ARHGAP42: variants seen among roughly 807,000 people sequenced by gnomAD.
The protein encoded by ARHGAP42 is Rho GTPase activating protein 42.
Under a neutral mutation model 125.0 loss-of-function variants are expected in ARHGAP42, and 63 were observed. The observed-to-expected ratio is 0.50, with a 90% CI of 0.41 to 0.62. The LOEUF (loss-of-function observed/expected upper bound fraction) is 0.62, where lower values mean the gene tolerates loss of function less well. Among genes scored for constraint, ARHGAP42 ranks in the 20% least tolerant of loss-of-function variants. The pLI is 0.00. For synonymous variants in ARHGAP42, 339 were observed against 351.0 expected, an observed-to-expected ratio of 0.97 and a Z score of 0.38; for missense variants, 766 against 1,024.2, an observed-to-expected ratio of 0.75 and a Z score of 3.44.
At chr11:100,887,367 A>G (rs1361384898) in intron 4 of ARHGAP42, among the ~76,000 whole-genome samples, 1 of 152,088 alleles carries the variant, frequency 6.6e-6, no homozygotes, top group African/African-American at 2.4e-5. Flanking sequence ...GTTCATGTAC[A>G]ACTAACCAAT....
intron 12 of ARHGAP42, among the ~76,000 whole-genome samples, chr11:100,950,486 A>G (rs1392428742): frequency 6.6e-6 from 1 of 151,696 alleles, no homozygotes; most frequent in Non-Finnish European, 1.5e-5. Flanking sequence ...TTTAGTGGAT[A>G]GTGGCTAAGA....
chr11:100,740,846 AT>A lies in ARHGAP42; in HGVS notation c.155-29496del, dbSNP rs540761662. ...TTACTTACTGGATTATTTAAAAAAA[AT>A]ATGTCTATCAAGAGAAGAATAAAGA... On this transcript the variant is annotated intron_variant, in intron 1 of 23. Coordinates refer to ENST00000298815, the MANE Select transcript of ARHGAP42 (RefSeq NM_152432.4). Among the ~76,000 whole-genome samples the A allele has an allele frequency of 6.0e-4, 92 of 152,238 alleles. 1 individual carries two copies. In the South Asian group the frequency reaches 0.012, roughly 19 times the overall value.
At chr11:100,759,540 G>C (rs1862655450) in intron 1 of ARHGAP42, among the ~76,000 whole-genome samples, 2 of 152,154 alleles carry the variant, frequency 1.3e-5, no homozygotes, top group Admixed American at 1.3e-4. Context: ...TGTTCAGGGA[G>C]AGTTATAAGA....
At chr11:100,962,939 G>A (rs1373521582) in intron 16 of ARHGAP42, among the ~76,000 whole-genome samples, 1 of 152,120 alleles carries the variant, frequency 6.6e-6, no homozygotes, top group African/African-American at 2.4e-5. Context: ...TGTTTTAGAA[G>A]CCAATAAGAA....
At chr11:100,701,776 A>C (rs1861401597) in intron 1 of ARHGAP42, among the ~76,000 whole-genome samples, 1 of 152,204 alleles carries the variant, frequency 6.6e-6, no homozygotes, top group Non-Finnish European at 1.5e-5. Flanking sequence ...GCATATCAGC[A>C]ATAAGGCTGT....
At chr11:100,973,678 C>T (rs150522073) in intron 18 of ARHGAP42, among the ~76,000 whole-genome samples, 1 of 152,094 alleles carries the variant, frequency 6.6e-6, no homozygotes, top group African/African-American at 2.4e-5. Context: ...AGGTAATGTT[C>T]TAACTAAACA....
chr11:100,727,090 A>G (rs754048555), intron 1 of ARHGAP42, among the ~76,000 whole-genome samples: 2 of 152,230 alleles, frequency 1.3e-5, no homozygotes, highest in Non-Finnish European at 2.9e-5. Context: ...GCCATAGATG[A>G]AAGAAATGAA....
intron 1 of ARHGAP42, among the ~76,000 whole-genome samples, chr11:100,751,266 AGTGT>A (rs60164599): frequency 3.1e-5 from 4 of 128,198 alleles, no homozygotes; most frequent in Non-Finnish European, 6.3e-5. Context: ...TTATATATAT[AGTGT>A]GTGTGTGTGT....
At chr11:100,752,819 G>T (rs745548345) in intron 1 of ARHGAP42, among the ~76,000 whole-genome samples, 1 of 152,212 alleles carries the variant, frequency 6.6e-6, no homozygotes. Flanking sequence ...GGGTGGTGCA[G>T]GCTATAGTGA....
At chr11:100,956,524 CAT>C (rs1857809459) in intron 12 of ARHGAP42, among the ~76,000 whole-genome samples, 3 of 152,130 alleles carry the variant, frequency 2.0e-5, no homozygotes, top group Non-Finnish European at 4.4e-5. Flanking sequence ...GGTAAAGACA[CAT>C]GTCACTTCTG....
At chr11:100,840,949 C>G (rs561631905) in intron 3 of ARHGAP42, among the ~76,000 whole-genome samples, 1 of 152,220 alleles carries the variant, frequency 6.6e-6, no homozygotes, top group Admixed American at 6.5e-5. Context: ...TCTCCTTACT[C>G]CTAGAAAGGA....
At chr11:100,825,447 G>A (rs1259526830) in intron 3 of ARHGAP42, among the ~76,000 whole-genome samples, 3 of 152,124 alleles carry the variant, frequency 2.0e-5, no homozygotes, top group Non-Finnish European at 4.4e-5. Flanking sequence ...TAAATAAAGT[G>A]TTTTGTTTAT....
chr11:100,910,624 T>C (rs1866885414), intron 4 of ARHGAP42, among the ~76,000 whole-genome samples: 1 of 132,458 alleles, frequency 7.5e-6, no homozygotes, highest in Non-Finnish European at 1.8e-5. Context: ...AAGAGGTAGC[T>C]ATATGGGGTT....
rs1367274146 is a variant in ARHGAP42 at position 100,992,636 on chromosome 11, C to T, written c.*3835C>T. ...ATCCCTCATTGTCACCGTTATCCCCCTGCTTCAAAATGTGCCAGTTCCACT... is the reference window on the plus strand; with the variant it reads ...ATCCCTCATTGTCACCGTTATCCCCTTGCTTCAAAATGTGCCAGTTCCACT... On this transcript the variant is annotated 3_prime_UTR_variant, in exon 24 of 24. Coordinates refer to ENST00000298815, the MANE Select transcript of ARHGAP42 (RefSeq NM_152432.4). The T allele has an allele frequency of 1.9e-6, 3 of 1,612,828 alleles. No homozygotes were observed. Among genetic ancestry groups the T allele is most frequent in the Non-Finnish European group, 2.5e-6 (3 of 1,179,476 alleles).
chr11:100,722,657 G>T (rs1945548550), intron 1 of ARHGAP42, among the ~76,000 whole-genome samples: 1 of 152,108 alleles, frequency 6.6e-6, no homozygotes, highest in East Asian at 1.9e-4. Flanking sequence ...CTAAAATGCT[G>T]GGATTACAGG....
chr11:100,930,997 A>G (rs781030106), intron 6 of ARHGAP42, among the ~76,000 whole-genome samples: 3 of 152,194 alleles, frequency 2.0e-5, no homozygotes, highest in Non-Finnish European at 2.9e-5. Context: ...CGTAGACATA[A>G]TGAGATACCT....
chr11:100,977,238 CTG>C (rs1858417460), intron 21 of ARHGAP42, among the ~76,000 whole-genome samples: 1 of 152,178 alleles, frequency 6.6e-6, no homozygotes, highest in Non-Finnish European at 1.5e-5. Flanking sequence ...GAAATGAAAA[CTG>C]ATGTATAATA....
At chr11:100,764,948 A>T (rs1336624766) in intron 1 of ARHGAP42, among the ~76,000 whole-genome samples, 1 of 152,226 alleles carries the variant, frequency 6.6e-6, no homozygotes, top group African/African-American at 2.4e-5. Context: ...AGATAGTGTC[A>T]TGTTGAAAGG....
At chr11:100,783,510 TGTTTTA>T (rs1381739233) in intron 2 of ARHGAP42, among the ~76,000 whole-genome samples, 2 of 152,166 alleles carry the variant, frequency 1.3e-5, no homozygotes, top group Non-Finnish European at 2.9e-5. Flanking sequence ...AGGGTGGTAC[TGTTTTA>T]GTCTATTCCT....
Sources: gnomAD v4.1 joint callset for allele counts (sites outside exome capture counted in the v4.1 genomes callset) on GRCh38, gnomAD v4.1.1 for gene constraint, MANE v1.5 for transcripts, NCBI Gene and HGNC (gene_info 2026-07-23, HGNC 2026-07-21) for gene names.